DDHD1: variants seen among roughly 807,000 people sequenced by gnomAD.
DDHD1 encodes DDHD domain containing 1.
In DDHD1, 49 loss-of-function variants were observed where a neutral mutation model predicts 96.4. The ratio of observed to expected loss-of-function variants is 0.51; its 90% CI spans 0.40 to 0.64. The LOEUF (loss-of-function observed/expected upper bound fraction) is 0.64, where lower values mean the gene tolerates loss of function less well. Among genes scored for constraint, DDHD1 ranks in the 30% least tolerant of loss-of-function variants. DDHD1 has a pLI of 0.00. For synonymous variants in DDHD1, 442 were observed against 446.5 expected, an observed-to-expected ratio of 0.99 and a Z score of 0.13; for missense variants, 1,106 against 1,161.2, an observed-to-expected ratio of 0.95 and a Z score of 0.69.
At chr14:53,133,922 C>T (rs370565132) in intron 1 of DDHD1, among the ~76,000 whole-genome samples, 3 of 152,170 alleles carry the variant, frequency 2.0e-5, no homozygotes, top group Non-Finnish European at 4.4e-5. Flanking sequence ...CCCCAACTGC[C>T]GTCCGCCTAC....
At chr14:53,131,743 G>A (rs1285622760) in intron 1 of DDHD1, among the ~76,000 whole-genome samples, 1 of 152,012 alleles carries the variant, frequency 6.6e-6, no homozygotes, top group Admixed American at 6.6e-5. Flanking sequence ...AACTTATTAA[G>A]CATTTTGATA....
In DDHD1 at chr14:53,139,286, G is replaced by A. The variant is rs145504430; in HGVS notation, c.838+12975C>T. On this transcript the variant is annotated intron_variant, in intron 1 of 12. Transcript: ENST00000673822. ...CAGAGAATGTCCCTTCCCCACTCTC[G>A]CCCACACCATCATCACCAAGTTAGG... is the stretch of plus-strand genomic sequence containing the variant. Among the ~76,000 whole-genome samples the A allele has an allele frequency of 1.4e-3, 212 of 152,048 alleles. 1 individual carries two copies. The highest frequency in any genetic ancestry group is 4.8e-3 in the African/African-American group (198 of 41,462).
intron 10 of DDHD1, 32 bp from the exon 11 acceptor site, chr14:53,054,661 T>C (rs755353745): frequency 1.9e-6 from 3 of 1,602,906 alleles, no homozygotes; most frequent in East Asian, 2.2e-5. Context: ...AGTCATTCTG[T>C]TGAATCACAC....
Position 53,108,665 on chromosome 14 carries a change from C to T in DDHD1, c.839-4809G>A, listed in dbSNP as rs1158549953. 1.3e-5 allele frequency among the ~76,000 whole-genome samples: 2 copies of T among 152,220 alleles called. 1 individual carries two copies. On this transcript the variant is annotated intron_variant, in intron 1 of 12. Transcript: ENST00000673822. The stretch of plus-strand genomic sequence containing the variant: ...TGTGGCTAACTGAAACTGCAGAAAG[C>T]GAAACCACAGCTATAAAGCTGGATT...
chr14:53,072,785 C>T lies in DDHD1; in HGVS notation c.1397-82G>A. On this transcript the variant is annotated intron_variant, in intron 5 of 12. Coordinates refer to ENST00000673822, the MANE Select transcript of DDHD1 (RefSeq NM_001160148.2). ...AGTAATAGTGAAGAAAATTACGTTG[C>T]CTGAAATAGTAACTATTTAAGTTAA... 1.3e-5 allele frequency: 10 copies of T among 776,410 alleles called. 1 individual carries two copies. In the South Asian group the frequency reaches 2.2e-4, roughly 17 times the overall value. 48.1% of individuals were successfully genotyped at this position (776,410 alleles called of 1,614,324 possible).
At position 53,054,430 on chromosome 14, in the gene DDHD1, G is replaced by A; in HGVS notation, c.2437+8C>T. 1 of 1,611,746 alleles carries A rather than the reference G, an allele frequency of 6.2e-7. No homozygotes were observed. ...GTATCAACTTAAGGAAATAATGTAT[G>A]AACTAACATGCAGAATCGAGGAAGC... On this transcript the variant is annotated splice_region_variant and intron_variant, in intron 11 of 12. Coordinates refer to ENST00000673822, the MANE Select transcript of DDHD1 (RefSeq NM_001160148.2).
At chr14:53,064,799 A>G (rs1319599970) in intron 6 of DDHD1, among the ~76,000 whole-genome samples, 1 of 152,086 alleles carries the variant, frequency 6.6e-6, no homozygotes, top group African/African-American at 2.4e-5. Context: ...AGACATTATG[A>G]TTTTGAAAGC....
chr14:53,061,134 T>C lies in DDHD1; in HGVS notation c.1834A>G (p.Lys612Glu), dbSNP rs1883512630. The change falls in exon 8 of 13, where the codon AAA (lysine) becomes GAA (glutamate). Residue 612 changes from lysine to glutamate, a missense_variant. By Grantham distance (56) the Lys-to-Glu change is moderately conservative. Around this residue, in one of 2 missense-constraint regions of DDHD1, gnomAD observed 650 missense variants for 758.8 expected, o/e 0.86. Coordinates refer to ENST00000673822, the MANE Select transcript of DDHD1 (RefSeq NM_001160148.2). ...ASSMTQTPAL[K>E]FKVENFFCMG... ...CATTGCTCTTTCCTTACCTTAAATT[T>C]TAAGGCAGGTGTTTGTGTCATAGAT... 1 of 1,607,988 alleles carries C rather than the reference T, an allele frequency of 6.2e-7. No homozygotes were observed. The highest frequency in any genetic ancestry group is 8.5e-7 in the Non-Finnish European group (1 of 1,178,660).
intron 2 of DDHD1, chr14:53,093,777 T>G (rs1886642502): frequency 3.6e-6 from 1 of 277,524 alleles, no homozygotes; most frequent in Admixed American, 5.7e-5. Flanking sequence ...GACTCTTCAC[T>G]GGGTCTAAGG....
At position 53,093,402 on chromosome 14, in the gene DDHD1, T is replaced by C; in HGVS notation, c.1055A>G (p.His352Arg). 1.2e-6 allele frequency: 2 copies of C among 1,612,848 alleles called. No homozygotes were observed. Among genetic ancestry groups the C allele is most frequent in the Non-Finnish European group, 1.7e-6 (2 of 1,179,578 alleles). The change falls in exon 3 of 13, where the codon CAC becomes CGC. Residue 352 changes from histidine to arginine, a missense_variant. Coordinates refer to ENST00000673822, the MANE Select transcript of DDHD1 (RefSeq NM_001160148.2). Reference sequence around the variant, plus strand: ...ATAAAGATATACTTCATCCACACTGTGCCAGTCCACATGGTTTCGACTCAA... The same window carrying C: ...ATAAAGATATACTTCATCCACACTGCGCCAGTCCACATGGTTTCGACTCAA... ...FKLSRNHVDW[H>R]SVDEVYLYSD...
intron 8 of DDHD1, among the ~76,000 whole-genome samples, chr14:53,059,956 CT>C (rs1883408362): frequency 6.6e-6 from 1 of 150,678 alleles, no homozygotes; most frequent in Non-Finnish European, 1.5e-5. Context: ...ACTCTTACGG[CT>C]TTTAAAAATA....
rs184800972 is a variant in DDHD1, at chr14:53,116,473, G to C, written c.839-12617C>G. Among the ~76,000 whole-genome samples the C allele has an allele frequency of 2.9e-3, 441 of 152,298 alleles. 2 individuals are homozygous for C. Among genetic ancestry groups the C allele is most frequent in the Admixed American group, 9.8e-3 (150 of 15,302 alleles). On this transcript the variant is annotated intron_variant, in intron 1 of 12. Coordinates refer to ENST00000673822, the MANE Select transcript of DDHD1 (RefSeq NM_001160148.2). ...TTCTAAAATGACCACATAATTGGAA[G>C]TAAAACAATCCTCAACAAATGCAAA...
Position 53,153,253 on chromosome 14 carries a change from C to T in DDHD1, c.-155G>A, listed in dbSNP as rs372126740. The T allele has an allele frequency of 7.8e-5, 47 of 605,068 alleles. No homozygotes were observed. The highest frequency in any genetic ancestry group is 2.0e-4 in the South Asian group (5 of 24,854). The allele number at this position is 605,068 out of a possible 1,614,324, so 37.5% of individuals were successfully genotyped here. A position where few individuals can be genotyped will look rare whatever the true frequency, so the allele number is the denominator to read the frequency against. Reference sequence around the variant, plus strand: ...GCGGCAGCGGCGACCGCTCCGCCCCCACGAGACCCGCAGCCGCCGCAGCTG... The same window carrying T: ...GCGGCAGCGGCGACCGCTCCGCCCCTACGAGACCCGCAGCCGCCGCAGCTG... On this transcript the variant is annotated 5_prime_UTR_variant, in exon 1 of 13. Coordinates refer to ENST00000673822, the MANE Select transcript of DDHD1 (RefSeq NM_001160148.2).
chr14:53,135,913 C>A (rs967974129), intron 1 of DDHD1, among the ~76,000 whole-genome samples: 1 of 152,194 alleles, frequency 6.6e-6, no homozygotes, highest in Non-Finnish European at 1.5e-5. Flanking sequence ...GGCCTCTGAG[C>A]CCAAGCTAAG....
In DDHD1 at chr14:53,093,667, C is replaced by A. The variant is rs150100092; in HGVS notation, c.1013-223G>T. 2.7e-3 allele frequency: 1,275 copies of A among 467,776 alleles called. 5 individuals carry two copies. The highest frequency in any genetic ancestry group is 4.0e-3 in the Non-Finnish European group (1,071 of 270,698). 29.0% of individuals were successfully genotyped at this position (467,776 alleles called of 1,614,324 possible). On this transcript the variant is annotated intron_variant, in intron 2 of 12. Coordinates refer to ENST00000673822, the MANE Select transcript of DDHD1 (RefSeq NM_001160148.2). ...TTAATCCTGCTACAGGGAATGGCAA[C>A]TTTTTAAACCATTGAGTTACTTAAC...
chr14:53,153,180 C>A lies in DDHD1; in HGVS notation c.-82G>T. On this transcript the variant is annotated 5_prime_UTR_variant, in exon 1 of 13. Coordinates refer to ENST00000673822, the MANE Select transcript of DDHD1 (RefSeq NM_001160148.2). ...TCCGCCACACATTCAACGCCGCCGC[C>A]CTCTCCACCCGAAGTTTCTAATCTT... 8.4e-7 allele frequency: 1 copy of A among 1,185,826 alleles called. No homozygotes were observed. The highest frequency in any genetic ancestry group is 1.1e-6 in the Non-Finnish European group (1 of 912,302). 73.5% of individuals were successfully genotyped at this position (1,185,826 alleles called of 1,614,324 possible). A position where few individuals can be genotyped will look rare whatever the true frequency, so the allele number is the denominator to read the frequency against.
intron 2 of DDHD1, among the ~76,000 whole-genome samples, chr14:53,098,676 G>A (rs535323060): frequency 3.9e-5 from 6 of 152,208 alleles, no homozygotes; most frequent in Middle Eastern, 3.4e-3. Context: ...GTTAGAAGGT[G>A]AGCACCCCTC....
intron 1 of DDHD1, among the ~76,000 whole-genome samples, chr14:53,143,588 C>T (rs752632711): frequency 7.2e-5 from 11 of 152,032 alleles, no homozygotes; most frequent in African/African-American, 9.7e-5. Context: ...GATTGGCTAG[C>T]GACTTAGAAC....
rs746372224 is a variant in DDHD1, at chr14:53,153,001, G to T, written c.98C>A (p.Ala33Glu). 1.3e-6 allele frequency: 2 copies of T among 1,541,428 alleles called. No individual in the cohort carries two copies. Among genetic ancestry groups the T allele is most frequent in the Non-Finnish European group, 8.7e-7 (1 of 1,146,366 alleles). Residue 33 changes from alanine to glutamate, a missense_variant, in exon 1 of 13, where the codon GCG becomes GAG. Transcript: ENST00000673822. ...AWELGSDARP[A>E]FGGGVCCFEH... is the part of the protein sequence containing the mutation. ...GAAGCAGCAGACGCCGCCGCCGAAC[G>T]CTGGCCTCGCGTCTGAGCCCAGCTC...
Sources: allele counts gnomAD v4.1 joint callset (sites outside exome capture counted in the v4.1 genomes callset), GRCh38; gene constraint gnomAD v4.1.1; regional missense constraint gnomAD v4.1.1; transcripts MANE v1.5; gene names NCBI Gene and HGNC (gene_info 2026-07-23, HGNC 2026-07-21).